ZBTB7C: variants seen among roughly 807,000 people sequenced by gnomAD.
The protein encoded by ZBTB7C is zinc finger and BTB domain containing 7C.
In ZBTB7C, 8 loss-of-function variants were observed where a neutral mutation model predicts 25.7. The observed-to-expected ratio is 0.31, with a 90% CI of 0.18 to 0.56. The LOEUF (loss-of-function observed/expected upper bound fraction) is 0.56. Among genes scored for constraint, ZBTB7C ranks in the 20% least tolerant of loss-of-function variants. The pLI, the probability that ZBTB7C is intolerant of heterozygous loss-of-function variation, is 0.91. For synonymous variants in ZBTB7C, 394 were observed against 369.0 expected, an observed-to-expected ratio of 1.07 and a Z score of -0.78; for missense variants, 824 against 855.2, an observed-to-expected ratio of 0.96 and a Z score of 0.46.
chr18:48,329,524 G>C (rs1335036861), intron 2 of ZBTB7C, among the ~76,000 whole-genome samples: 2 of 152,232 alleles, frequency 1.3e-5, no homozygotes, highest in Non-Finnish European at 2.9e-5. Flanking sequence ...AGCCAGTCCA[G>C]AGTTGGTGCT....
At chr18:48,065,795 A>G (rs1166823778) in intron 3 of ZBTB7C, among the ~76,000 whole-genome samples, 1 of 152,144 alleles carries the variant, frequency 6.6e-6, no homozygotes, top group Non-Finnish European at 1.5e-5. Flanking sequence ...ACTGTACCAT[A>G]CAGTTTCCCT....
At chr18:48,076,741 G>C (rs76197189) in intron 3 of ZBTB7C, among the ~76,000 whole-genome samples, 1,558 of 152,292 alleles carry the variant, frequency 0.01, 19 homozygotes, top group African/African-American at 0.035. Flanking sequence ...CCTTGGGACA[G>C]CTATTATGAG....
chr18:48,386,691 T>A (rs950691391), intron 1 of ZBTB7C, among the ~76,000 whole-genome samples: 2 of 152,218 alleles, frequency 1.3e-5, no homozygotes, highest in Non-Finnish European at 2.9e-5. Flanking sequence ...GAGCCACACA[T>A]TGCCCCGTCT....
intron 3 of ZBTB7C, among the ~76,000 whole-genome samples, chr18:48,133,593 C>T (rs1414224211): frequency 7.1e-6 from 1 of 140,216 alleles, no homozygotes; most frequent in Non-Finnish European, 1.5e-5. Context: ...TCACACATTC[C>T]CCACGCTATT....
chr18:48,097,458 G>A (rs547589842), intron 3 of ZBTB7C, among the ~76,000 whole-genome samples: 7 of 151,908 alleles, frequency 4.6e-5, no homozygotes, highest in Admixed American at 2.0e-4. Context: ...GTGCGGTGGC[G>A]CGATCTCGGT....
At chr18:48,118,192 G>A (rs1300816109) in intron 3 of ZBTB7C, among the ~76,000 whole-genome samples, 1 of 152,012 alleles carries the variant, frequency 6.6e-6, no homozygotes, top group Non-Finnish European at 1.5e-5. Flanking sequence ...TTTTAGCAGA[G>A]AGGAGGTTTC....
At chr18:48,180,112 T>TTCCCTTCCTTCCTTCCTTCC (rs144550931) in intron 3 of ZBTB7C, among the ~76,000 whole-genome samples, 5 of 52,088 alleles carry the variant, frequency 9.6e-5, no homozygotes, top group Non-Finnish European at 1.4e-4. Context: ...CCTTCCTTCC[T>TTCCCTTCCTTCCTTCCTTCC]TTCCTTCCTT....
At chr18:48,160,664 C>G in intron 3 of ZBTB7C, among the ~76,000 whole-genome samples, 1 of 152,288 alleles carries the variant, frequency 6.6e-6, no homozygotes, top group East Asian at 1.9e-4. Context: ...GTAGAAAACA[C>G]AAGCTCAGCA....
chr18:48,156,704 C>A (rs1393616907), intron 3 of ZBTB7C, among the ~76,000 whole-genome samples: 1 of 152,186 alleles, frequency 6.6e-6, no homozygotes, highest in Non-Finnish European at 1.5e-5. Flanking sequence ...AAATTCTGTC[C>A]ATTTCCATCA....
intron 3 of ZBTB7C, among the ~76,000 whole-genome samples, chr18:48,161,700 G>GGCCCC (rs554874174): frequency 6.8e-6 from 1 of 146,488 alleles, no homozygotes; most frequent in African/African-American, 2.6e-5. Flanking sequence ...TGCCCGGCCC[G>GGCCCC]GCCCGGCCCG....
In ZBTB7C at chr18:48,251,182, C is replaced by G. The variant is rs564596569; in HGVS notation, c.-78-65187G>C. Among the ~76,000 whole-genome samples the G allele has an allele frequency of 4.6e-5, 7 of 152,210 alleles. No individual in the cohort carries two copies. In the East Asian group the frequency reaches 1.4e-3, roughly 29 times the overall value. On this transcript the variant is annotated intron_variant, in intron 2 of 4. Transcript: ENST00000590800. ...GTGGCTGCATTGAGCCATGATTACA[C>G]CACTGCATTCCAGCCTCGGTGACAG...
At chr18:48,245,582 A>C (rs2144391962) in intron 2 of ZBTB7C, among the ~76,000 whole-genome samples, 1 of 152,166 alleles carries the variant, frequency 6.6e-6, no homozygotes, top group African/African-American at 2.4e-5. Flanking sequence ...GAAAAGAAGA[A>C]GAAAGTATCT....
chr18:48,395,279 G>GAA (rs2047999052), intron 1 of ZBTB7C, among the ~76,000 whole-genome samples: 2 of 44,190 alleles, frequency 4.5e-5, no homozygotes, highest in African/African-American at 1.6e-4. Context: ...GTGTGTGTGT[G>GAA]TGTGTGTGTG....
intron 2 of ZBTB7C, among the ~76,000 whole-genome samples, chr18:48,303,186 C>T (rs907318708): frequency 1.3e-5 from 2 of 152,346 alleles, no homozygotes; most frequent in African/African-American, 2.4e-5. Context: ...TTCTGTCTTG[C>T]TCCTTGACTT....
At chr18:48,165,232 T>A (rs1441926091) in intron 3 of ZBTB7C, 2 of 715,700 alleles carry the variant, frequency 2.8e-6, no homozygotes, top group Admixed American at 4.7e-5. Context: ...AGCCTCCTGT[T>A]GGCCCACAGC....
chr18:48,113,867 TG>T (rs2039332193), intron 3 of ZBTB7C, among the ~76,000 whole-genome samples: 1 of 152,184 alleles, frequency 6.6e-6, no homozygotes, highest in Non-Finnish European at 1.5e-5. Context: ...GTGCACAAGG[TG>T]GCTGTGAAAA....
intron 3 of ZBTB7C, among the ~76,000 whole-genome samples, chr18:48,111,034 C>T (rs540811704): frequency 1.3e-5 from 2 of 152,318 alleles, no homozygotes; most frequent in African/African-American, 4.8e-5. Flanking sequence ...ACCGCCTGGA[C>T]TGTCTGGGGA....
chr18:48,127,367 CTT>C (rs2039836493), intron 3 of ZBTB7C, among the ~76,000 whole-genome samples: 1 of 152,226 alleles, frequency 6.6e-6, no homozygotes, highest in Non-Finnish European at 1.5e-5. Context: ...CACTGTCTCT[CTT>C]GTACCACTCA....
intron 2 of ZBTB7C, among the ~76,000 whole-genome samples, chr18:48,196,972 G>A (rs989372738): frequency 6.6e-6 from 1 of 152,206 alleles, no homozygotes; most frequent in African/African-American, 2.4e-5. Context: ...CACAACCAAT[G>A]TGTTTCAGGG....
Sources: allele counts gnomAD v4.1 joint callset (sites outside exome capture counted in the v4.1 genomes callset), GRCh38; gene constraint gnomAD v4.1.1; transcripts MANE v1.5; gene names NCBI Gene and HGNC (gene_info 2026-07-23, HGNC 2026-07-21).